The following PDE5A variants were observed in gnomAD, a reference collection of about 807,000 sequenced individuals.
The protein encoded by PDE5A is phosphodiesterase 5A.
Under a neutral mutation model 110.2 loss-of-function variants are expected in PDE5A, and 67 were observed. That is an observed-to-expected ratio of 0.61 (90% confidence interval 0.50 to 0.75). PDE5A has a LOEUF of 0.75. Ranked by LOEUF, PDE5A falls within the 30% of genes least tolerant of loss-of-function variation. The pLI is 0.00. For missense variants in PDE5A, 862 were observed against 1,045.1 expected (o/e 0.82, Z 2.42); for synonymous variants, 328 against 351.2 (o/e 0.93, Z 0.74).
intron 3 of PDE5A, among the ~76,000 whole-genome samples, chr4:119,593,806 A>C (rs910166035): frequency 1.3e-5 from 2 of 152,214 alleles, no homozygotes; most frequent in Non-Finnish European, 1.5e-5. Flanking sequence ...AAAGAGATTT[A>C]ATTGACACAC....
intron 3 of PDE5A, among the ~76,000 whole-genome samples, chr4:119,593,531 A>C (rs1729052108): frequency 6.6e-6 from 1 of 152,196 alleles, no homozygotes; most frequent in South Asian, 2.1e-4. Flanking sequence ...AGAAAAAGCA[A>C]AACAATAGTG....
intron 1 of PDE5A, among the ~76,000 whole-genome samples, chr4:119,611,655 G>A (rs183475398): frequency 5.3e-5 from 8 of 152,214 alleles, no homozygotes; most frequent in Middle Eastern, 3.4e-3. Context: ...TGTTGCTTAC[G>A]GATATTTTCT....
chr4:119,627,324 T>G lies in PDE5A; in HGVS notation c.152+1196A>C, dbSNP rs1730390398. 8.5e-7 allele frequency: 1 copy of G among 1,171,794 alleles called. No individual in the cohort carries two copies. Among genetic ancestry groups the G allele is most frequent in the African/African-American group, 1.6e-5 (1 of 62,274 alleles). The allele number at this position is 1,171,794 out of a possible 1,614,324, so 72.6% of individuals were successfully genotyped here. On this transcript the variant is annotated intron_variant, in intron 1 of 20. Transcript: ENST00000354960. The surrounding 1 kb of genome is among the most constrained non-coding windows in gnomAD (Gnocchi z 4.6). ...GCCCCGGCCTCCGCGCCGCCGCCCG[T>G]CGCCTCCCGCTCGCCCCGCGCTGCG... is the stretch of plus-strand genomic sequence containing the variant.
chr4:119,542,328 C>G, intron 10 of PDE5A, 131 bp downstream of exon 10: 2 of 725,388 alleles, frequency 2.8e-6, no homozygotes, highest in Non-Finnish European at 4.5e-6. Context: ...ATAAGGATCT[C>G]ATCATCTAAA....
intron 1 of PDE5A, among the ~76,000 whole-genome samples, chr4:119,609,888 A>G (rs2110552582): frequency 6.6e-6 from 1 of 152,326 alleles, no homozygotes; most frequent in Non-Finnish European, 1.5e-5. Flanking sequence ...CACCTTAAAT[A>G]CATAAAATTC....
chr4:119,578,710 T>C (rs1016020804), intron 3 of PDE5A, among the ~76,000 whole-genome samples: 12 of 152,316 alleles, frequency 7.9e-5, no homozygotes, highest in African/African-American at 2.6e-4. Context: ...AAGACTTACA[T>C]GTTAGACCTA....
At chr4:119,513,509 A>C (rs920407316) in intron 14 of PDE5A, among the ~76,000 whole-genome samples, 2 of 152,102 alleles carry the variant, frequency 1.3e-5, no homozygotes, top group Non-Finnish European at 2.9e-5. Context: ...CAAATAGCCT[A>C]TATGCACACT....
chr4:119,511,029 A>G lies in PDE5A; in HGVS notation c.2088+18T>C. Reference sequence around the variant, plus strand: ...AAGCTCTCTTTTAAAATTCCACAACAATAAATTAGGTACTTACTGGACTAT... The same window carrying G: ...AAGCTCTCTTTTAAAATTCCACAACGATAAATTAGGTACTTACTGGACTAT... On this transcript the variant is annotated intron_variant, in intron 15 of 20. Coordinates refer to ENST00000354960, the MANE Select transcript of PDE5A (RefSeq NM_001083.4). The G allele has an allele frequency of 7.3e-7, 1 of 1,362,296 alleles. No individual in the cohort carries two copies. Among genetic ancestry groups the G allele is most frequent in the Non-Finnish European group, 1.0e-6 (1 of 976,260 alleles). The allele number at this position is 1,362,296 out of a possible 1,614,324, so 84.4% of individuals were successfully genotyped here.
intron 1 of PDE5A, among the ~76,000 whole-genome samples, chr4:119,622,812 C>T (rs1204348042): frequency 7.4e-6 from 1 of 134,448 alleles, no homozygotes; most frequent in Non-Finnish European, 1.5e-5. Flanking sequence ...TGCAATGAGC[C>T]GAGATTGCGC....
intron 3 of PDE5A, among the ~76,000 whole-genome samples, chr4:119,575,898 G>C (rs542282400): frequency 6.6e-6 from 1 of 152,282 alleles, no homozygotes; most frequent in African/African-American, 2.4e-5. Context: ...TGGCAAATTG[G>C]ATAAAGAGTC....
intron 11 of PDE5A, among the ~76,000 whole-genome samples, chr4:119,535,910 A>C (rs1726709435): frequency 6.6e-6 from 1 of 152,152 alleles, no homozygotes; most frequent in Non-Finnish European, 1.5e-5. Flanking sequence ...TGAGATAACC[A>C]GACAAACGAC....
chr4:119,625,378 C>T (rs1730310794), intron 1 of PDE5A, among the ~76,000 whole-genome samples: 1 of 152,174 alleles, frequency 6.6e-6, no homozygotes, highest in Non-Finnish European at 1.5e-5. Flanking sequence ...GGCATAAATG[C>T]TTTCAAGGTC....
Position 119,525,765 on chromosome 4 carries a change from G to T in PDE5A, c.1633-70C>A, listed in dbSNP as rs1726294414. The stretch of plus-strand genomic sequence containing the variant: ...CAGCAGTGATTTGCAAGGTTTTCTT[G>T]TTTTGCTGCAGAGAAATAGCATATT... On this transcript the variant is annotated intron_variant, in intron 11 of 20. Coordinates refer to ENST00000354960, the MANE Select transcript of PDE5A (RefSeq NM_001083.4). The surrounding 1 kb of genome is among the most constrained non-coding windows in gnomAD (Gnocchi z 4.3). 2.7e-6 allele frequency: 4 copies of T among 1,470,134 alleles called. No homozygotes were observed. In the African/African-American group the frequency reaches 4.3e-5, roughly 16 times the overall value. The allele number at this position is 1,470,134 out of a possible 1,614,324, so 91.1% of individuals were successfully genotyped here.
chr4:119,599,748 C>CACAT (rs1560635091), intron 2 of PDE5A, among the ~76,000 whole-genome samples: 2 of 146,510 alleles, frequency 1.4e-5, no homozygotes, highest in African/African-American at 2.6e-5. Flanking sequence ...CACACACACA[C>CACAT]ATACATATAT....
chr4:119,562,802 TA>T, intron 6 of PDE5A, 30 bp downstream of exon 6: 1 of 1,476,928 alleles, frequency 6.8e-7, no homozygotes, highest in Non-Finnish European at 9.0e-7. Context: ...TCTGTCTTTC[TA>T]AAAATAAAAA....
chr4:119,603,911 T>C (rs1202070590), intron 2 of PDE5A, among the ~76,000 whole-genome samples: 2 of 152,248 alleles, frequency 1.3e-5, no homozygotes, highest in East Asian at 1.9e-4. Flanking sequence ...TATATTTTCA[T>C]ATCCTGACTA....
At chr4:119,530,170 A>T (rs1451623015) in intron 11 of PDE5A, among the ~76,000 whole-genome samples, 1 of 152,182 alleles carries the variant, frequency 6.6e-6, no homozygotes, top group Non-Finnish European at 1.5e-5. Flanking sequence ...TGACTGCCAT[A>T]TCACAGTGTG....
Position 119,567,148 on chromosome 4 carries a change from G to T in PDE5A, c.832-4C>A. ...TGGCCTGGGCTACACCAACAACCTG[G>T]TATAAGGAGAGAAAAGCGACAATTT... On this transcript the variant is annotated splice_region_variant and splice_polypyrimidine_tract_variant and intron_variant, in intron 3 of 20. Coordinates refer to ENST00000354960, the MANE Select transcript of PDE5A (RefSeq NM_001083.4). 1 of 1,607,712 alleles carries T rather than the reference G, an allele frequency of 6.2e-7. No individual in the cohort carries two copies. Among genetic ancestry groups the T allele is most frequent in the Non-Finnish European group, 8.5e-7 (1 of 1,175,640 alleles).
intron 10 of PDE5A, chr4:119,541,933 A>C (rs1165461700): frequency 2.0e-5 from 3 of 152,190 alleles, no homozygotes; most frequent in Admixed American, 1.3e-4. Flanking sequence ...AGTAGGGTAT[A>C]TAAATTTATA....
Sources: gnomAD v4.1 joint callset for allele counts (sites outside exome capture counted in the v4.1 genomes callset) on GRCh38, gnomAD v4.1.1 for gene constraint, Gnocchi (gnomAD v3.1) non-coding constraint, MANE v1.5 for transcripts, NCBI Gene and HGNC (gene_info 2026-07-23, HGNC 2026-07-21) for gene names.